The following BTRC variants were observed in gnomAD, a reference collection of about 807,000 sequenced individuals.
The protein encoded by BTRC is beta-transducin repeat containing E3 ubiquitin protein ligase.
A neutral mutation model predicts 85.5 loss-of-function variants in BTRC; 42 were observed. The observed-to-expected ratio is 0.49, with a 90% CI of 0.38 to 0.64. BTRC has a LOEUF of 0.64. Ranked by LOEUF, BTRC falls within the 30% of genes least tolerant of loss-of-function variation. The pLI, the probability that BTRC is intolerant of heterozygous loss-of-function variation, is 0.00. For synonymous variants in BTRC, 255 were observed against 263.3 expected, an observed-to-expected ratio of 0.97 and a Z score of 0.30; for missense variants, 594 against 743.5, an observed-to-expected ratio of 0.80 and a Z score of 2.34.
At chr10:101,456,959 T>C (rs1464614460) in intron 2 of BTRC, among the ~76,000 whole-genome samples, 2 of 152,230 alleles carry the variant, frequency 1.3e-5, no homozygotes, top group Non-Finnish European at 2.9e-5. Flanking sequence ...TCCCCACTTA[T>C]TCATAGGGGG....
chr10:101,532,867 G>A, intron 8 of BTRC, 85 bp from the exon 9 acceptor site: 1 of 1,091,686 alleles, frequency 9.2e-7, no homozygotes, highest in Non-Finnish European at 1.4e-6. Context: ...GATTATTTTG[G>A]GGGATCAGAC....
chr10:101,463,034 AT>A (rs1008749077), intron 3 of BTRC, among the ~76,000 whole-genome samples: 2 of 120,506 alleles, frequency 1.7e-5, no homozygotes, highest in Admixed American at 8.0e-5. Flanking sequence ...TGCCTGGCTA[AT>A]TTTTGTATTT....
intron 1 of BTRC, among the ~76,000 whole-genome samples, chr10:101,410,877 G>T (rs551509663): frequency 6.6e-6 from 1 of 150,742 alleles, no homozygotes; most frequent in Admixed American, 6.6e-5. Flanking sequence ...ATTGTCATAC[G>T]TTTTGTTTTC....
intron 13 of BTRC, among the ~76,000 whole-genome samples, chr10:101,547,886 G>C (rs2062583870): frequency 6.6e-6 from 1 of 152,040 alleles, no homozygotes; most frequent in South Asian, 2.1e-4. Flanking sequence ...TCACATCAGG[G>C]GGCTATAGAA....
At chr10:101,399,118 A>G (rs1943434814) in intron 1 of BTRC, among the ~76,000 whole-genome samples, 1 of 152,002 alleles carries the variant, frequency 6.6e-6, no homozygotes, top group East Asian at 1.9e-4. Flanking sequence ...ATCCCCGGCT[A>G]ATTTTTTTGT....
intron 4 of BTRC, among the ~76,000 whole-genome samples, chr10:101,507,788 G>GGT (rs1946579152): frequency 6.6e-6 from 1 of 152,072 alleles, no homozygotes; most frequent in South Asian, 2.1e-4. Flanking sequence ...AGGCACCCCG[G>GGT]GTATGTCTGT....
chr10:101,368,718 T>G (rs948503994), intron 1 of BTRC, among the ~76,000 whole-genome samples: 2 of 152,140 alleles, frequency 1.3e-5, no homozygotes, highest in Non-Finnish European at 2.9e-5. Flanking sequence ...CAGTGCTCAC[T>G]TAATATCGTC....
intron 6 of BTRC, among the ~76,000 whole-genome samples, chr10:101,527,469 TTGGCCGGGTGGGG>T (rs1234243032): frequency 6.6e-6 from 1 of 152,176 alleles, no homozygotes; most frequent in Non-Finnish European, 1.5e-5. Context: ...AAGAATATTG[TTGGCCGGGTGGGG>T]TGGCTCACGC....
intron 4 of BTRC, among the ~76,000 whole-genome samples, chr10:101,505,163 A>G (rs12762241): frequency 5.8e-5 from 8 of 138,100 alleles, no homozygotes; most frequent in Admixed American, 2.2e-4. Context: ...ATATGTATAT[A>G]TATATATATA....
chr10:101,374,786 TAAAAA>T (rs35956327), intron 1 of BTRC, among the ~76,000 whole-genome samples: 3 of 145,412 alleles, frequency 2.1e-5, no homozygotes, highest in Non-Finnish European at 4.6e-5. Context: ...GTATAATAAA[TAAAAA>T]AAAAAAAAAG....
At chr10:101,415,647 T>C (rs1196204271) in intron 1 of BTRC, among the ~76,000 whole-genome samples, 1 of 151,280 alleles carries the variant, frequency 6.6e-6, no homozygotes, top group Non-Finnish European at 1.5e-5. Context: ...GTTCAAGCGA[T>C]TCTCCTGCCT....
At chr10:101,527,903 CT>C (rs2062221930) in intron 6 of BTRC, among the ~76,000 whole-genome samples, 1 of 151,964 alleles carries the variant, frequency 6.6e-6, no homozygotes, top group African/African-American at 2.4e-5. Flanking sequence ...TCATAACCTA[CT>C]TCATACTTTG....
intron 1 of BTRC, among the ~76,000 whole-genome samples, chr10:101,385,757 C>G (rs1479713246): frequency 6.6e-6 from 1 of 150,644 alleles, no homozygotes; most frequent in Non-Finnish European, 1.5e-5. Flanking sequence ...ATGTTTTGTA[C>G]AAAATTTCAG....
intron 1 of BTRC, among the ~76,000 whole-genome samples, chr10:101,426,563 T>C (rs1419601674): frequency 6.6e-6 from 1 of 152,106 alleles, no homozygotes; most frequent in Non-Finnish European, 1.5e-5. Context: ...GTTAGTAGTT[T>C]TGATGGAGGA....
At chr10:101,469,653 T>TATA (rs1326584531) in intron 3 of BTRC, among the ~76,000 whole-genome samples, 2 of 152,224 alleles carry the variant, frequency 1.3e-5, no homozygotes, top group African/African-American at 4.8e-5. Context: ...AGATATTAAT[T>TATA]GTATAAGTCT....
chr10:101,400,544 G>A (rs570335198), intron 1 of BTRC, among the ~76,000 whole-genome samples: 28 of 152,262 alleles, frequency 1.8e-4, no homozygotes, highest in Admixed American at 1.6e-3. Context: ...CTAATGCTAA[G>A]GATTTGCCTC....
At position 101,461,963 on chromosome 10, in the gene BTRC, G is replaced by A. The variant is rs1305015510; in HGVS notation, c.157-18G>A. On this transcript the variant is annotated intron_variant, in intron 2 of 14. Transcript: ENST00000370187. ...TGAAGATAATGAGAACTGAATTAAA[G>A]CTTACTTTCTTTCACAGAATTCCTC... 4 of 1,582,730 alleles carry A rather than the reference G, an allele frequency of 2.5e-6. No individual in the cohort carries two copies. The highest frequency in any genetic ancestry group is 4.5e-5 in the East Asian group (2 of 44,606).
chr10:101,451,960 A>G (rs1944964516), intron 2 of BTRC, among the ~76,000 whole-genome samples: 1 of 152,168 alleles, frequency 6.6e-6, no homozygotes. Context: ...ATCTAGCAAA[A>G]TATATACACA....
intron 4 of BTRC, among the ~76,000 whole-genome samples, chr10:101,498,070 A>C (rs1054310608): frequency 3.3e-5 from 5 of 152,084 alleles, no homozygotes; most frequent in African/African-American, 1.2e-4. Context: ...ATACAGAGAG[A>C]GTGATTTTGT....
Sources: gnomAD v4.1 joint callset for allele counts (sites outside exome capture counted in the v4.1 genomes callset) on GRCh38, gnomAD v4.1.1 for gene constraint, MANE v1.5 for transcripts, NCBI Gene and HGNC (gene_info 2026-07-23, HGNC 2026-07-21) for gene names.